Variants in JPH2 observed in about 807,000 individuals in gnomAD.
JPH2 encodes junctophilin-2.
Under a neutral mutation model 55.9 loss-of-function variants are expected in JPH2, and 38 were observed. That is an observed-to-expected ratio of 0.68 (90% confidence interval 0.52 to 0.89). The LOEUF is 0.89. Ranked by LOEUF, JPH2 falls within the 40% of genes least tolerant of loss-of-function variation. The pLI, the probability that JPH2 is intolerant of heterozygous loss-of-function variation, is 0.00. For missense variants in JPH2, 964 were observed against 1,037.6 expected, an observed-to-expected ratio of 0.93 and a Z score of 0.97; for synonymous variants, 480 against 472.4, an observed-to-expected ratio of 1.02 and a Z score of -0.21.
chr20:44,120,829 A>G (rs537455779), intron 2 of JPH2, among the ~76,000 whole-genome samples: 40 of 152,318 alleles, frequency 2.6e-4, no homozygotes, highest in African/African-American at 7.9e-4. Context: ...CCTGGGCTGC[A>G]TGGGGCCCAT....
At chr20:44,170,802 G>C (rs2145888428) in intron 1 of JPH2, among the ~76,000 whole-genome samples, 1 of 152,300 alleles carries the variant, frequency 6.6e-6, no homozygotes. Context: ...TTGTTAAAAT[G>C]AATAGATAAG....
intron 2 of JPH2, among the ~76,000 whole-genome samples, chr20:44,148,396 T>C (rs1339670852): frequency 1.3e-5 from 2 of 152,120 alleles, no homozygotes; most frequent in East Asian, 3.9e-4. Flanking sequence ...TCAGCCCCCA[T>C]GTCTCCTGAC....
At position 44,115,713 on chromosome 20, in the gene JPH2, C is replaced by A. The variant is rs756543945; in HGVS notation, c.1962G>T (p.Ala654=). The A allele has an allele frequency of 1.2e-6, 2 of 1,613,394 alleles. No individual in the cohort carries two copies. Among genetic ancestry groups the A allele is most frequent in the African/African-American group, 2.7e-5 (2 of 74,924 alleles). The change falls in exon 4 of 6, where the codon GCG becomes GCT. Residue 654 remains alanine, a synonymous_variant. Coordinates refer to ENST00000372980, the MANE Select transcript of JPH2 (RefSeq NM_020433.5). The part of the protein sequence containing the change: ...GLTKAGAKKK[A]RKEAALAAEA... ...CTGCCGCCAGTGCGGCCTCCTTCCG[C>A]GCCTTCTTCTTGGCCCCCGCCTTGG... is the stretch of plus-strand genomic sequence containing the variant.
At chr20:44,155,029 AG>A (rs2072555695) in intron 2 of JPH2, among the ~76,000 whole-genome samples, 1 of 151,840 alleles carries the variant, frequency 6.6e-6, no homozygotes, top group South Asian at 2.1e-4. Flanking sequence ...CTCCACATGC[AG>A]GGGCACAGGC....
intron 1 of JPH2, among the ~76,000 whole-genome samples, chr20:44,166,755 C>T (rs1372934430): frequency 1.3e-5 from 2 of 152,182 alleles, no homozygotes; most frequent in African/African-American, 4.8e-5. Flanking sequence ...AGAATGCATC[C>T]ACAGAGGGAG....
chr20:44,123,247 C>T (rs2072250890), intron 2 of JPH2, among the ~76,000 whole-genome samples: 1 of 152,168 alleles, frequency 6.6e-6, no homozygotes, highest in Non-Finnish European at 1.5e-5. Flanking sequence ...CCAGGAATCC[C>T]GGTGTTCTTC....
chr20:44,146,628 A>G (rs1165753292), intron 2 of JPH2, among the ~76,000 whole-genome samples: 1 of 152,178 alleles, frequency 6.6e-6, no homozygotes, highest in African/African-American at 2.4e-5. Context: ...TCTTAGTGGA[A>G]CTTCCTACCT....
In JPH2 at chr20:44,159,703, C is replaced by T; in HGVS notation, c.1084G>A (p.Val362Ile). 1.9e-6 allele frequency: 3 copies of T among 1,613,324 alleles called. No homozygotes were observed. Among genetic ancestry groups the T allele is most frequent in the Non-Finnish European group, 2.5e-6 (3 of 1,179,974 alleles). ...ACACTGTGCTCCACTTTCTGGCGGACCTTGTTGCTCTTGAGCTGCAGCATG... is the reference window on the plus strand; with the variant it reads ...ACACTGTGCTCCACTTTCTGGCGGATCTTGTTGCTCTTGAGCTGCAGCATG... ...RRMLQLKSNK[V>I]RQKVEHSVEG... The change falls in exon 2 of 6, where the codon GTC becomes ATC. Residue 362 changes from valine (V) to isoleucine (I), a missense_variant. Val to Ile is a conservative substitution (Grantham distance 29). Coordinates refer to ENST00000372980, the MANE Select transcript of JPH2 (RefSeq NM_020433.5). The surrounding 1 kb of genome is among the most constrained non-coding windows in gnomAD (Gnocchi z 5.7).
intron 4 of JPH2, among the ~76,000 whole-genome samples, chr20:44,115,171 C>T (rs1488622790): frequency 6.6e-6 from 1 of 152,180 alleles, no homozygotes; most frequent in Non-Finnish European, 1.5e-5. Context: ...CCTTGGGACG[C>T]ATTCTTCAGT....
intron 2 of JPH2, among the ~76,000 whole-genome samples, chr20:44,127,579 G>A (rs190086688): frequency 2.2e-4 from 33 of 150,964 alleles, no homozygotes; most frequent in East Asian, 1.6e-3. Context: ...TCTGCCTCCC[G>A]GGTACAAGTG....
chr20:44,117,841 A>T (rs1257488259), intron 3 of JPH2, among the ~76,000 whole-genome samples: 1 of 152,188 alleles, frequency 6.6e-6, no homozygotes, highest in East Asian at 1.9e-4. Context: ...ATCATGAAAC[A>T]ACAGCCACAG....
At chr20:44,173,139 C>A (rs923962682) in intron 1 of JPH2, among the ~76,000 whole-genome samples, 3 of 152,076 alleles carry the variant, frequency 2.0e-5, no homozygotes, top group Admixed American at 1.3e-4. Context: ...AAACTAACCC[C>A]CTCTTTACTC....
rs754961884 is a variant in JPH2, at chr20:44,116,086, G to A, written c.1589C>T (p.Ala530Val). Residue 530 changes from alanine to valine, a missense_variant, in exon 4 of 6, where the codon GCG becomes GTG. Ala to Val is a moderately conservative substitution (Grantham distance 64). Transcript: ENST00000372980. Reference protein sequence around the residue: ...GSRSVTPSEGAGRRSPARPAT... With the variant: ...GSRSVTPSEGVGRRSPARPAT... ...TGGACGCGCGGGGCTGCGGCGGCCC[G>A]CGCCCTCGGACGGAGTGACTGACCG... The A allele has an allele frequency of 2.2e-5, 33 of 1,516,442 alleles. No homozygotes were observed. Among genetic ancestry groups the A allele is most frequent in the Admixed American group, 4.2e-5 (2 of 48,168 alleles). 93.9% of individuals were successfully genotyped at this position (1,516,442 alleles called of 1,614,324 possible).
chr20:44,177,048 C>G, intron 1 of JPH2: 6 of 985,440 alleles, frequency 6.1e-6, no homozygotes, highest in Non-Finnish European at 7.2e-6. Flanking sequence ...CACACCTGGG[C>G]TGCTCTGTGG....
intron 2 of JPH2, among the ~76,000 whole-genome samples, chr20:44,133,766 C>T (rs904490002): frequency 5.4e-5 from 8 of 148,400 alleles, no homozygotes; most frequent in African/African-American, 1.0e-4. Flanking sequence ...TGATGCTCTC[C>T]AATGCCTTCT....
At position 44,108,293 on chromosome 20, in the gene JPH2, C is replaced by T. The variant is rs2072120056; in HGVS notation, c.*5225G>A. On this transcript the variant is annotated 3_prime_UTR_variant, in exon 6 of 6. Transcript: ENST00000372980. ...CTATGTCCCTTTCCCTTGGCTGGTTCTGATTCGCATTCTTTGCTTGTAATC... is the reference window on the plus strand; with the variant it reads ...CTATGTCCCTTTCCCTTGGCTGGTTTTGATTCGCATTCTTTGCTTGTAATC... Among the ~76,000 whole-genome samples the T allele has an allele frequency of 6.6e-6, 1 of 152,186 alleles. No homozygotes were observed. The highest frequency in any genetic ancestry group is 1.5e-5 in the Non-Finnish European group (1 of 68,036).
At chr20:44,169,693 G>A (rs1007867102) in intron 1 of JPH2, among the ~76,000 whole-genome samples, 3 of 152,048 alleles carry the variant, frequency 2.0e-5, no homozygotes, top group African/African-American at 4.8e-5. Context: ...AGTGTGCCTC[G>A]GTGCTACGGT....
chr20:44,125,606 G>T (rs889313798), intron 2 of JPH2, among the ~76,000 whole-genome samples: 1 of 152,158 alleles, frequency 6.6e-6, no homozygotes, highest in Non-Finnish European at 1.5e-5. Flanking sequence ...AGCCGCCTGG[G>T]GAGCTCGCAG....
At chr20:44,184,733 T>A (rs1466999302) in intron 1 of JPH2, among the ~76,000 whole-genome samples, 1 of 152,192 alleles carries the variant, frequency 6.6e-6, no homozygotes, top group Non-Finnish European at 1.5e-5. Context: ...GCTACCCTCA[T>A]GCTTCTGAGC....
Sources: gnomAD v4.1 joint callset for allele counts (sites outside exome capture counted in the v4.1 genomes callset) on GRCh38, gnomAD v4.1.1 for gene constraint, Gnocchi (gnomAD v3.1) non-coding constraint, MANE v1.5 for transcripts, NCBI Gene and HGNC (gene_info 2026-07-23, HGNC 2026-07-21) for gene names.